NELL1: variants seen among roughly 807,000 people sequenced by gnomAD.
The protein encoded by NELL1 is neural EGFL like 1.
In NELL1, 76 loss-of-function variants were observed where a neutral mutation model predicts 107.4. That is an observed-to-expected ratio of 0.71 (90% CI 0.59 to 0.86). NELL1 has a LOEUF of 0.86. Ranked by LOEUF, NELL1 falls within the 40% of genes least tolerant of loss-of-function variation. NELL1 has a pLI of 0.00. For synonymous variants in NELL1, 353 were observed against 341.2 expected (o/e 1.03, Z -0.38); for missense variants, 1,024 against 1,005.5 (o/e 1.02, Z -0.25).
At position 21,515,665 on chromosome 11, in the gene NELL1, A is replaced by G. The variant is rs113199716; in HGVS notation, c.1646-18709A>G. 3.0e-3 allele frequency among the ~76,000 whole-genome samples: 456 copies of G among 152,222 alleles called. 1 individual carries two copies. The highest frequency in any genetic ancestry group is 5.3e-3 in the Non-Finnish European group (360 of 68,028). On this transcript the variant is annotated intron_variant, in intron 15 of 19. Coordinates refer to ENST00000357134, the MANE Select transcript of NELL1 (RefSeq NM_006157.5). ...ATCAATAAAGATATTGTATGATAGC[A>G]CATCCATTACGGTTCCATGCTGCAC... is the stretch of plus-strand genomic sequence containing the variant.
At chr11:21,490,111 A>T (rs972445452) in intron 15 of NELL1, among the ~76,000 whole-genome samples, 1 of 152,106 alleles carries the variant, frequency 6.6e-6, no homozygotes, top group Admixed American at 6.6e-5. Flanking sequence ...GAGAAAATTA[A>T]TATACAAAAA....
chr11:21,106,827 T>C (rs1854981843), intron 12 of NELL1, among the ~76,000 whole-genome samples: 1 of 152,156 alleles, frequency 6.6e-6, no homozygotes, highest in Non-Finnish European at 1.5e-5. Flanking sequence ...ACATGGAACA[T>C]TGAGTAAAGC....
chr11:21,437,969 G>A (rs1020567009), intron 15 of NELL1, among the ~76,000 whole-genome samples: 1 of 152,110 alleles, frequency 6.6e-6, no homozygotes, highest in African/African-American at 2.4e-5. Context: ...TGTATGTTTT[G>A]TTGCTTTATC....
At chr11:20,891,842 C>T (rs540892935) in intron 5 of NELL1, among the ~76,000 whole-genome samples, 8 of 152,296 alleles carry the variant, frequency 5.3e-5, no homozygotes, top group African/African-American at 1.9e-4. Flanking sequence ...GCACCCAATA[C>T]AGGAGCACCC....
chr11:21,489,936 G>A (rs1454226460), intron 15 of NELL1, among the ~76,000 whole-genome samples: 2 of 151,688 alleles, frequency 1.3e-5, no homozygotes, highest in Non-Finnish European at 2.9e-5. Flanking sequence ...ATAGTACTGG[G>A]AGCCCTCAGC....
intron 14 of NELL1, among the ~76,000 whole-genome samples, chr11:21,287,399 A>T (rs1193928137): frequency 6.6e-6 from 1 of 152,176 alleles, no homozygotes; most frequent in African/African-American, 2.4e-5. Flanking sequence ...AGGCAAAGAG[A>T]TCATGTCCCT....
intron 12 of NELL1, among the ~76,000 whole-genome samples, chr11:21,002,735 T>C (rs1852250860): frequency 6.6e-6 from 1 of 152,188 alleles, no homozygotes; most frequent in Non-Finnish European, 1.5e-5. Context: ...AAATTTCCTC[T>C]TCTTATAAGT....
intron 3 of NELL1, among the ~76,000 whole-genome samples, chr11:20,840,923 A>T (rs1848610208): frequency 6.6e-6 from 1 of 152,228 alleles, no homozygotes; most frequent in African/African-American, 2.4e-5. Context: ...AGGAGATGAC[A>T]GTGTTCATGC....
intron 13 of NELL1, among the ~76,000 whole-genome samples, chr11:21,174,631 G>T (rs1856675254): frequency 6.6e-6 from 1 of 151,706 alleles, no homozygotes; most frequent in South Asian, 2.1e-4. Flanking sequence ...GGGACATTGT[G>T]AAGGAGGGAA....
chr11:21,344,977 A>G (rs1238914951), intron 14 of NELL1, among the ~76,000 whole-genome samples: 1 of 152,226 alleles, frequency 6.6e-6, no homozygotes, highest in East Asian at 1.9e-4. Context: ...AATGCACAAT[A>G]AACTAACTGC....
intron 12 of NELL1, among the ~76,000 whole-genome samples, chr11:21,062,553 T>C (rs7482845): frequency 0.27 from 40,724 of 152,082 alleles, 5,665 homozygotes; most frequent in South Asian, 0.4. Context: ...CTTTGGTTCA[T>C]TTGCCTTTAG....
chr11:20,739,842 G>A (rs1232494612), intron 2 of NELL1, among the ~76,000 whole-genome samples: 1 of 152,122 alleles, frequency 6.6e-6, no homozygotes, highest in Admixed American at 6.6e-5. Flanking sequence ...AACTCAAGTG[G>A]TCTGGAAGCA....
At chr11:21,547,806 A>AT (rs1281147267) in intron 16 of NELL1, among the ~76,000 whole-genome samples, 1 of 151,888 alleles carries the variant, frequency 6.6e-6, no homozygotes, top group African/African-American at 2.4e-5. Context: ...CAAGTTTGGT[A>AT]TGACTTCCTG....
chr11:21,450,324 G>A (rs1417242361), intron 15 of NELL1, among the ~76,000 whole-genome samples: 1 of 152,078 alleles, frequency 6.6e-6, no homozygotes, highest in Non-Finnish European at 1.5e-5. Flanking sequence ...TAAATTTTCT[G>A]CAAAGTCTTA....
intron 15 of NELL1, among the ~76,000 whole-genome samples, chr11:21,466,105 A>G (rs1854022950): frequency 6.6e-6 from 1 of 152,170 alleles, no homozygotes; most frequent in African/African-American, 2.4e-5. Context: ...GCTGAAGGCC[A>G]CATAGCTAAT....
At chr11:21,030,099 T>A (rs1476917962) in intron 12 of NELL1, among the ~76,000 whole-genome samples, 1 of 152,170 alleles carries the variant, frequency 6.6e-6, no homozygotes, top group Non-Finnish European at 1.5e-5. Flanking sequence ...CCTGTAGTAT[T>A]GGATGTTAGC....
chr11:20,850,339 C>T (rs991454305), intron 4 of NELL1, among the ~76,000 whole-genome samples: 2 of 152,182 alleles, frequency 1.3e-5, no homozygotes, highest in Non-Finnish European at 2.9e-5. Context: ...TAGAGTTTTT[C>T]TCAACCTCTC....
chr11:21,079,098 A>G (rs1258539574), intron 12 of NELL1, among the ~76,000 whole-genome samples: 1 of 151,914 alleles, frequency 6.6e-6, no homozygotes, highest in African/African-American at 2.4e-5. Flanking sequence ...GAAAGAATGC[A>G]GTGGAGGTAA....
At chr11:21,534,061 C>T (rs1856066597) in intron 15 of NELL1, among the ~76,000 whole-genome samples, 1 of 152,126 alleles carries the variant, frequency 6.6e-6, no homozygotes, top group African/African-American at 2.4e-5. Flanking sequence ...AAGTCATATA[C>T]ACCCAATACC....
Sources: allele counts gnomAD v4.1 joint callset (sites outside exome capture counted in the v4.1 genomes callset), GRCh38; gene constraint gnomAD v4.1.1; transcripts MANE v1.5; gene names NCBI Gene and HGNC (gene_info 2026-07-23, HGNC 2026-07-21).